The following KICS2 variants were observed in gnomAD, a reference collection of about 807,000 sequenced individuals.
KICS2 encodes KICSTOR subunit 2.
A neutral mutation model predicts 31.4 loss-of-function variants in KICS2; 13 were observed. The observed-to-expected ratio is 0.41, with a 90% CI of 0.27 to 0.66. The LOEUF is 0.66. Ranked by LOEUF, KICS2 falls within the 30% of genes least tolerant of loss-of-function variation. KICS2 has a pLI of 0.28. For missense variants in KICS2, 455 were observed against 545.4 expected (o/e 0.83, Z 1.65); for synonymous variants, 209 against 214.8 (o/e 0.97, Z 0.24).
chr12:64,208,503 T>G (rs749057977), intron 2 of KICS2, among the ~76,000 whole-genome samples: 1 of 152,364 alleles, frequency 6.6e-6, no homozygotes, highest in Non-Finnish European at 1.5e-5. Context: ...ACTACTAGTT[T>G]TGCTTGTGAA....
rs1432456270 is a variant in KICS2 at position 64,215,877 on chromosome 12, G to A, written c.322C>T (p.Arg108Cys). The A allele has an allele frequency of 6.8e-6, 11 of 1,613,592 alleles. No homozygotes were observed. The highest frequency in any genetic ancestry group is 6.7e-5 in the Admixed American group (4 of 59,900). ...GGAGCAGTCCCACCCAGGGCACCAC[G>A]GCCAGTCACCACCTTCTTCAGCTCA... Reference protein sequence around the residue: ...HNELKKVVTGRGALGGTAPHV... With the variant: ...HNELKKVVTGCGALGGTAPHV... Residue 108 changes from arginine to cysteine, a missense_variant, in exon 2 of 3, where the codon CGT (arginine) becomes TGT (cysteine). Coordinates refer to ENST00000398055, the MANE Select transcript of KICS2 (RefSeq NM_152440.5).
In KICS2 at chr12:64,197,443, G is replaced by GAA. The variant is rs1467312456; in HGVS notation, c.522-2787_522-2786dup. Reference sequence around the variant, plus strand: ...CCAGGCCTGCCCTAAAAGAGCTCCTGAAGGAAGCACTAAACATGGAAAGGA... The same window carrying GAA: ...CCAGGCCTGCCCTAAAAGAGCTCCTGAAAAGGAAGCACTAAACATGGAAAGGA... On this transcript the variant is annotated intron_variant, in intron 2 of 2. Transcript: ENST00000398055. 2.0e-3 allele frequency among the ~76,000 whole-genome samples: 307 copies of GAA among 150,318 alleles called. 2 individuals are homozygous for GAA. Among genetic ancestry groups the GAA allele is most frequent in the Middle Eastern group, 3.4e-3 (1 of 294 alleles).
chr12:64,188,253 A>G (rs974729840), downstream of KICS2, among the ~76,000 whole-genome samples: 5 of 152,180 alleles, frequency 3.3e-5, no homozygotes, highest in Non-Finnish European at 7.3e-5. Context: ...GGCTGGGCAC[A>G]GTGGCTCACG....
At chr12:64,213,190 T>C (rs1215587781) in intron 2 of KICS2, among the ~76,000 whole-genome samples, 9 of 152,184 alleles carry the variant, frequency 5.9e-5, no homozygotes. Context: ...TGTATGTGGT[T>C]GTAGGTAGCA....
rs1216673162 is a variant in KICS2 at position 64,193,394 on chromosome 12, A to T, written c.*448T>A. On this transcript the variant is annotated 3_prime_UTR_variant, in exon 3 of 3. Transcript: ENST00000398055. ...CTCCATATTCATTTGCTAATTTATG[A>T]GACAGAAAACATATAGTTCTTAATT... The T allele has an allele frequency of 2.0e-6, 2 of 985,958 alleles. No homozygotes were observed. The highest frequency in any genetic ancestry group is 1.2e-6 in the Non-Finnish European group (1 of 830,186). The allele number at this position is 985,958 out of a possible 1,614,324, so 61.1% of individuals were successfully genotyped here.
chr12:64,217,473 A>G (rs1460051445), intron 1 of KICS2, among the ~76,000 whole-genome samples: 1 of 151,970 alleles, frequency 6.6e-6, no homozygotes, highest in Non-Finnish European at 1.5e-5. Flanking sequence ...GATGAGGAAA[A>G]AAAAAAAAAC....
At chr12:64,190,184 AG>A (rs1193437333), downstream of KICS2, among the ~76,000 whole-genome samples, 1 of 152,232 alleles carries the variant, frequency 6.6e-6, no homozygotes, top group Non-Finnish European at 1.5e-5. Context: ...AGAACAGGAA[AG>A]GTGCCAAATT....
rs2037621940 is a variant in KICS2 at position 64,215,755 on chromosome 12, G to A, written c.444C>T (p.Thr148=). 6.2e-7 allele frequency: 1 copy of A among 1,613,906 alleles called. No individual in the cohort carries two copies. The highest frequency in any genetic ancestry group is 1.7e-5 in the Admixed American group (1 of 59,974). Residue 148 remains threonine (T), a synonymous_variant, in exon 2 of 3, where the codon ACC becomes ACT. Transcript: ENST00000398055. ...EIADFYEKMY[T]LSTQKFINAE... ...CATTGATGAACTTCTGTGTGCTGAG[G>A]GTGTACATCTTCTCATAGAAGTCTG... is the stretch of plus-strand genomic sequence containing the variant.
At position 64,216,655 on chromosome 12, in the gene KICS2, G is replaced by A. The variant is rs559428516; in HGVS notation, c.236-692C>T. On this transcript the variant is annotated intron_variant, in intron 1 of 2. Transcript: ENST00000398055. ...CCACATTGTGAATTATTAAGACCAG[G>A]AACCAATTATAAATAACTGCTGCTG... is the stretch of plus-strand genomic sequence containing the variant. 1.9e-4 allele frequency among the ~76,000 whole-genome samples: 29 copies of A among 152,200 alleles called. No individual in the cohort carries two copies. The South Asian group carries it at 5.4e-3, about 28-fold the overall frequency.
At chr12:64,187,649 G>T (rs1429240142), downstream of KICS2, 2 of 1,535,552 alleles carry the variant, frequency 1.3e-6, no homozygotes, top group Non-Finnish European at 1.7e-6. Context: ...TTGGTAACAG[G>T]AACCTGGTAG....
chr12:64,186,468 T>G (rs993347139), downstream of KICS2: 2 of 152,224 alleles, frequency 1.3e-5, no homozygotes, highest in African/African-American at 4.8e-5. Context: ...CGTGTTAAAG[T>G]ATTTTTAAAA....
In KICS2 at chr12:64,201,387, T is replaced by C. The variant is rs1184350956; in HGVS notation, c.522-6729A>G. 1.1e-3 allele frequency among the ~76,000 whole-genome samples: 101 copies of C among 94,436 alleles called. 2 individuals are homozygous for C. The highest frequency in any genetic ancestry group is 4.2e-3 in the African/African-American group (97 of 23,296). 62.0% of individuals were successfully genotyped at this position (94,436 alleles called of 152,430 possible). On this transcript the variant is annotated intron_variant, in intron 2 of 2. Coordinates refer to ENST00000398055, the MANE Select transcript of KICS2 (RefSeq NM_152440.5). ...ACCAAACACCGCATATTCTCACTCA[T>C]AGGTGGGAATTGAACAATGAGATCA...
intron 1 of KICS2, among the ~76,000 whole-genome samples, chr12:64,218,493 A>AAT (rs1403069277): frequency 1.3e-5 from 2 of 152,204 alleles, no homozygotes; most frequent in Non-Finnish European, 1.5e-5. Flanking sequence ...TATATTCTAT[A>AAT]ATACTAATTC....
At chr12:64,187,119 T>C (rs887573202), downstream of KICS2, 1 of 153,562 alleles carries the variant, frequency 6.5e-6, no homozygotes, top group African/African-American at 2.4e-5. Flanking sequence ...TACTCTACAG[T>C]TTTTAGGACC....
rs946304572 is a variant in KICS2 at position 64,193,190 on chromosome 12, C to G, written c.*652G>C. On this transcript the variant is annotated 3_prime_UTR_variant, in exon 3 of 3. Coordinates refer to ENST00000398055, the MANE Select transcript of KICS2 (RefSeq NM_152440.5). Reference sequence around the variant, plus strand: ...AAATGCAGTTAGGTGTGTACATTACCCCAAAAGAACCCATGGCTATTAAAG... The same window carrying G: ...AAATGCAGTTAGGTGTGTACATTACGCCAAAAGAACCCATGGCTATTAAAG... 1.5e-5 allele frequency: 15 copies of G among 985,234 alleles called. No individual in the cohort carries two copies. Among genetic ancestry groups the G allele is most frequent in the African/African-American group, 1.7e-5 (1 of 57,176 alleles). The allele number at this position is 985,234 out of a possible 1,614,324, so 61.0% of individuals were successfully genotyped here. A position where few individuals can be genotyped will look rare whatever the true frequency, so the allele number is the denominator to read the frequency against.
chr12:64,211,098 T>C (rs2037578779), intron 2 of KICS2, among the ~76,000 whole-genome samples: 1 of 152,186 alleles, frequency 6.6e-6, no homozygotes, highest in Non-Finnish European at 1.5e-5. Context: ...ACTTTTACAT[T>C]AGTGTTTGGG....
intron 2 of KICS2, among the ~76,000 whole-genome samples, chr12:64,213,061 G>A (rs1412356905): frequency 1.4e-5 from 2 of 147,410 alleles, no homozygotes; most frequent in African/African-American, 2.5e-5. Context: ...CTGCACTCCC[G>A]CCTGGGCAAC....
intron 1 of KICS2, among the ~76,000 whole-genome samples, chr12:64,220,919 T>A (rs913387792): frequency 1.3e-4 from 19 of 151,910 alleles, no homozygotes; most frequent in Admixed American, 5.3e-4. Flanking sequence ...AGGAAAAAAA[T>A]AAGGTGAAAC....
downstream of KICS2, among the ~76,000 whole-genome samples, chr12:64,190,262 G>C (rs1443914028): frequency 6.6e-6 from 1 of 152,172 alleles, no homozygotes; most frequent in Admixed American, 6.5e-5. Context: ...CAAAGCCTTT[G>C]TTACACACAT....
Sources: allele counts gnomAD v4.1 joint callset (sites outside exome capture counted in the v4.1 genomes callset), GRCh38; gene constraint gnomAD v4.1.1; transcripts MANE v1.5; gene names NCBI Gene and HGNC (gene_info 2026-07-23, HGNC 2026-07-21).